DST: variants seen among roughly 807,000 people sequenced by gnomAD.
The protein encoded by DST is bullous pemphigoid antigen.
DST carries 253 observed loss-of-function variants against 875.2 expected under a neutral mutation model. That is an observed-to-expected ratio of 0.29 (90% CI 0.26 to 0.32). The LOEUF is 0.32. Among genes scored for constraint, DST ranks in the 10% least tolerant of loss-of-function variants. The probability of loss-of-function intolerance (pLI) is 1.00; values close to 1 mark genes in which losing one functional copy is unlikely to be tolerated. For synonymous variants in DST, 3,124 were observed against 3,197.1 expected (o/e 0.98, Z 0.77); for missense variants, 8,287 against 9,111.6 (o/e 0.91, Z 3.68).
chr6:56,855,927 T>A (rs886443017), intron 3 of DST, among the ~76,000 whole-genome samples: 1 of 152,208 alleles, frequency 6.6e-6, no homozygotes, highest in African/African-American at 2.4e-5. Context: ...CCACTGACAG[T>A]GGCCCCAGCC....
At chr6:56,916,354 G>C (rs1800915880) in intron 2 of DST, among the ~76,000 whole-genome samples, 1 of 152,188 alleles carries the variant, frequency 6.6e-6, no homozygotes, top group Non-Finnish European at 1.5e-5. Context: ...AAACTACAAA[G>C]TATTGGACCT....
chr6:56,753,389 C>T lies in DST; in HGVS notation c.626-18100G>A, dbSNP rs952596166. On this transcript the variant is annotated intron_variant, in intron 4 of 103. Transcript: ENST00000680361. ...GCACCAACTTCAAAGGCAGAAATACCAGACCTCAAATCCCCACTCTGCTAC... is the reference window on the plus strand; with the variant it reads ...GCACCAACTTCAAAGGCAGAAATACTAGACCTCAAATCCCCACTCTGCTAC... Among the ~76,000 whole-genome samples the T allele has an allele frequency of 2.6e-5, 4 of 152,142 alleles. No homozygotes were observed. In the East Asian group the frequency reaches 7.7e-4, roughly 29 times the overall value.
At chr6:56,899,706 C>T (rs1294920553) in intron 3 of DST, among the ~76,000 whole-genome samples, 1 of 152,192 alleles carries the variant, frequency 6.6e-6, no homozygotes, top group Non-Finnish European at 1.5e-5. Flanking sequence ...TTTCTAAGCC[C>T]CAGCCTTGGT....
At chr6:56,558,355 A>C (rs1246920376) in intron 58 of DST, among the ~76,000 whole-genome samples, 2 of 152,104 alleles carry the variant, frequency 1.3e-5, no homozygotes, top group Non-Finnish European at 2.9e-5. Context: ...TTTTACCTTG[A>C]CCAGTAGTTC....
Position 56,646,201 on chromosome 6 carries a change from G to A in DST, c.1555-19C>T. ...AAAGTGCCTAAAATAAAAAGGACAA[G>A]AAATTAAGGACCAAACTTAAAAGAT... is the stretch of plus-strand genomic sequence containing the variant. On this transcript the variant is annotated intron_variant, in intron 13 of 103. Transcript: ENST00000680361. 7.5e-7 allele frequency: 1 copy of A among 1,336,556 alleles called. No individual in the cohort carries two copies. The highest frequency in any genetic ancestry group is 1.0e-6 in the Non-Finnish European group (1 of 976,992). The allele number at this position is 1,336,556 out of a possible 1,614,324, so 82.8% of individuals were successfully genotyped here.
chr6:56,492,329 G>A lies in DST; in HGVS notation c.20655C>T (p.Ile6885=), dbSNP rs1215972282. The A allele has an allele frequency of 6.2e-7, 1 of 1,613,764 alleles. No individual in the cohort carries two copies. Residue 6885 remains isoleucine (I), a synonymous_variant, in exon 85 of 104, where the codon ATC becomes ATT. Transcript: ENST00000680361. ...YFSQKQDVVL[I]KNLLISVQSR... ...TTTGTACACTGATAAGTAGATTCTT[G>A]ATTAGAACAACATCTTGTTTCTGAC...
In DST at chr6:56,573,040, G is replaced by A. The variant is rs1000717078; in HGVS notation, c.13261C>T (p.Arg4421Cys). Residue 4421 changes from arginine (R) to cysteine (C), a missense_variant, in exon 52 of 104, where the codon CGT (arginine) becomes TGT (cysteine). Arg to Cys is a radical substitution (Grantham distance 180). Coordinates refer to ENST00000680361, the MANE Select transcript of DST (RefSeq NM_001374736.1). ...TTCATGGCATTTATACTGCTCTGAC[G>A]ACCTGCAATATCCTGTTCCAACATC... ...NIMLEQDIAG[R>C]QSSINAMNEK... is the part of the protein sequence containing the mutation. 6.3e-6 allele frequency: 10 copies of A among 1,591,472 alleles called. No individual in the cohort carries two copies. Among genetic ancestry groups the A allele is most frequent in the Middle Eastern group, 1.7e-4 (1 of 6,022 alleles).
At chr6:56,583,814 T>C (rs1282278992) in intron 49 of DST, among the ~76,000 whole-genome samples, 1 of 152,270 alleles carries the variant, frequency 6.6e-6, no homozygotes, top group Non-Finnish European at 1.5e-5. Flanking sequence ...TTTCTACATA[T>C]GGCTAGCTGG....
At chr6:56,590,107 T>G (rs2098243394) in intron 49 of DST, among the ~76,000 whole-genome samples, 1 of 152,266 alleles carries the variant, frequency 6.6e-6, no homozygotes, top group South Asian at 2.1e-4. Flanking sequence ...ACAACTTTAA[T>G]TGTACATTTA....
At position 56,610,468 on chromosome 6, in the gene DST, G is replaced by A. The variant is rs1406627269; in HGVS notation, c.5242C>T (p.Gln1748Ter). ...LLFSESLKQL[Q>*]ESQTSGDVKV... ...ACATCTCCTGAGGTTTGTGATTCTT[G>A]TAGCTGTTTCAGAGATTCACTGAAT... is the stretch of plus-strand genomic sequence containing the variant. The change falls in exon 39 of 104, where the codon CAA (glutamine) becomes TAA (stop). Residue 1748 changes from glutamine (Q) to a stop codon, truncating the protein, a stop_gained. Coordinates refer to ENST00000680361, the MANE Select transcript of DST (RefSeq NM_001374736.1). LOFTEE classifies it high-confidence loss of function. 6.4e-7 allele frequency: 1 copy of A among 1,567,304 alleles called. No individual in the cohort carries two copies.
intron 7 of DST, among the ~76,000 whole-genome samples, 171 bp from the exon 8 acceptor site, chr6:56,702,136 T>C (rs559582220): frequency 1.4e-4 from 21 of 152,296 alleles, no homozygotes; most frequent in African/African-American, 4.6e-4. Flanking sequence ...TGAGATTGAA[T>C]GTAAACTACT....
Position 56,628,113 on chromosome 6 carries a change from G to A in DST, c.4524C>T (p.Asp1508=). The change falls in exon 33 of 104, where the codon GAC becomes GAT. Residue 1508 remains aspartate, a synonymous_variant. Coordinates refer to ENST00000680361, the MANE Select transcript of DST (RefSeq NM_001374736.1). ...GIGKSLKYYR[D]TYHPLDDWIQ... is the part of the protein sequence containing the mutation. The stretch of plus-strand genomic sequence containing the variant: ...TCCAATCATCTAAAGGATGGTAAGT[G>A]TCTCTGTAGTACTTCAGTGATTTGC... The A allele has an allele frequency of 6.2e-7, 1 of 1,613,642 alleles. No homozygotes were observed. The highest frequency in any genetic ancestry group is 1.1e-5 in the South Asian group (1 of 91,072).
At chr6:56,862,275 C>T (rs1319294053) in intron 3 of DST, among the ~76,000 whole-genome samples, 2 of 152,094 alleles carry the variant, frequency 1.3e-5, no homozygotes, top group East Asian at 3.8e-4. Flanking sequence ...TTTAAGGCTG[C>T]TTTGAATTAT....
chr6:56,757,389 TTC>T (rs527524538), intron 4 of DST, among the ~76,000 whole-genome samples: 299 of 152,306 alleles, frequency 2.0e-3, no homozygotes, highest in African/African-American at 6.2e-3. Flanking sequence ...TTTCTAACCA[TTC>T]TGTTTATGGT....
At chr6:56,460,907 T>G (rs989394405) in intron 102 of DST, 1 of 152,210 alleles carries the variant, frequency 6.6e-6, no homozygotes, top group Non-Finnish European at 1.5e-5. Context: ...TTACAATCTT[T>G]ATATGAGTTT....
rs41267671 is a variant in DST, at chr6:56,640,044, C to A, written c.2504G>T (p.Arg835Leu). Residue 835 changes from arginine to leucine, a missense_variant, in exon 19 of 104, where the codon CGC becomes CTC. Physicochemically the swap from Arg to Leu is moderately radical, Grantham distance 102. Around this residue, in one of 10 missense-constraint regions of DST, gnomAD observed 1,160 missense variants for 1,424.3 expected, o/e 0.81. Coordinates refer to ENST00000680361, the MANE Select transcript of DST (RefSeq NM_001374736.1). ...WVDEMQVQLD[R>L]TEWGSDLPSV... is the part of the protein sequence containing the mutation. ...TGGCAAATCTGAGCCCCACTCAGTG[C>A]GGTCCAGTTGTACCTTCAGACAGTA... is the stretch of plus-strand genomic sequence containing the variant. The A allele has an allele frequency of 3.1e-6, 5 of 1,613,990 alleles. No homozygotes were observed. The highest frequency in any genetic ancestry group is 4.2e-6 in the Non-Finnish European group (5 of 1,179,938).
At chr6:56,610,683 C>T (rs910940938) in intron 38 of DST, 121 bp from the exon 39 acceptor site, 10 of 722,412 alleles carry the variant, frequency 1.4e-5, no homozygotes, top group South Asian at 2.1e-5. Context: ...ATACATATTG[C>T]TCAGGTCTCA....
intron 5 of DST, among the ~76,000 whole-genome samples, chr6:56,712,769 T>G (rs1455395507): frequency 8.5e-5 from 13 of 152,170 alleles, no homozygotes; most frequent in Non-Finnish European, 1.5e-5. Flanking sequence ...ATAAAAATCA[T>G]GCAAAGGTTA....
chr6:56,463,574 G>C lies in DST; in HGVS notation c.22950C>G (p.Thr7650=), dbSNP rs2094442057. The C allele has an allele frequency of 6.3e-7, 1 of 1,587,058 alleles. No individual in the cohort carries two copies. The highest frequency in any genetic ancestry group is 1.7e-5 in the Admixed American group (1 of 57,242). Residue 7650 remains threonine (T), a synonymous_variant, in exon 101 of 104, where the codon ACC becomes ACG. Coordinates refer to ENST00000680361, the MANE Select transcript of DST (RefSeq NM_001374736.1). ...QAASPQVPAT[T]TPKILHPLTR... ...TCATCCTGAGTCTTACCTTGGGTGT[G>C]GTGGTGGCAGGGACCTGTGGGGAGG...
Sources: allele counts gnomAD v4.1 joint callset (sites outside exome capture counted in the v4.1 genomes callset), GRCh38; gene constraint gnomAD v4.1.1; regional missense constraint gnomAD v4.1.1; transcripts MANE v1.5; gene names NCBI Gene and HGNC (gene_info 2026-07-23, HGNC 2026-07-21).